CAMKK1: variants seen among roughly 807,000 people sequenced by gnomAD.
The protein encoded by CAMKK1 is calcium/calmodulin dependent protein kinase kinase 1.
A neutral mutation model predicts 63.5 loss-of-function variants in CAMKK1; 20 were observed. The observed-to-expected ratio is 0.32, with a 90% confidence interval of 0.22 to 0.46. The LOEUF (loss-of-function observed/expected upper bound fraction) is 0.46. CAMKK1 is among the 20% of genes least tolerant of loss of function. The pLI is 1.00. For missense variants in CAMKK1, 588 were observed against 658.1 expected (o/e 0.89, Z 1.17); for synonymous variants, 253 against 269.0 (o/e 0.94, Z 0.58).
In CAMKK1 at chr17:3,870,592, C is replaced by G. The variant is rs543277658; in HGVS notation, c.1125-704G>C. Among the ~76,000 whole-genome samples the G allele has an allele frequency of 9.2e-5, 14 of 152,204 alleles. 1 individual carries two copies. In the East Asian group the frequency reaches 2.7e-3, roughly 30 times the overall value. On this transcript the variant is annotated intron_variant, in intron 12 of 15. Coordinates refer to ENST00000348335, the MANE Select transcript of CAMKK1 (RefSeq NM_032294.3). ...GTGTTAGCCAGGATGATCTCGATCT[C>G]CTGATCTCATGATCCGCCTGCCTTG...
At position 3,885,351 on chromosome 17, in the gene CAMKK1, G is replaced by C; in HGVS notation, c.337C>G (p.His113Asp). Reference sequence around the variant, plus strand: ...ACCTCTGCATCTGAGATGGCCACGTGGTGGGACTCGATGGTGGGCCTCCGC... The same window carrying C: ...ACCTCTGCATCTGAGATGGCCACGTCGTGGGACTCGATGGTGGGCCTCCGC... ...AWRRPTIESH[H>D]VAISDAEDCV... Residue 113 changes from histidine to aspartate, a missense_variant, in exon 2 of 16, where the codon CAC becomes GAC. Physicochemically the swap from His to Asp is moderately conservative, Grantham distance 81. Transcript: ENST00000348335. 6.2e-7 allele frequency: 1 copy of C among 1,602,052 alleles called. No individual in the cohort carries two copies. The highest frequency in any genetic ancestry group is 8.5e-7 in the Non-Finnish European group (1 of 1,172,406).
In CAMKK1 at chr17:3,887,450, G is replaced by GGAACAT. The variant is rs1179253317; in HGVS notation, c.-43-1726_-43-1721dup. ...GGAGTGAGAGGGAGTTAATGAGGCT[G>GGAACAT]GAACATCAAGGAGGCCTCCCTGGAG... is the stretch of plus-strand genomic sequence containing the variant. On this transcript the variant is annotated intron_variant, in intron 1 of 15. Transcript: ENST00000348335. The surrounding 1 kb of genome is among the most constrained non-coding windows in gnomAD (Gnocchi z 6.1). Among the ~76,000 whole-genome samples the GGAACAT allele has an allele frequency of 1.5e-4, 23 of 152,280 alleles. No individual in the cohort carries two copies. The highest frequency in any genetic ancestry group is 5.5e-4 in the African/African-American group (23 of 41,562).
chr17:3,882,735 C>G lies in CAMKK1; in HGVS notation c.649-171G>C, dbSNP rs1031583337. ...CAGACTGATGGGGCCTCAGAAGTCA[C>G]CGACCCCCAACCTGGCCCGCCACAC... On this transcript the variant is annotated intron_variant, in intron 6 of 15. Transcript: ENST00000348335. This position sits in a 1 kb window ranked among gnomAD's most constrained non-coding sequence, Gnocchi z 4.3. 2.0e-5 allele frequency among the ~76,000 whole-genome samples: 3 copies of G among 152,134 alleles called. No individual in the cohort carries two copies. Among genetic ancestry groups the G allele is most frequent in the African/African-American group, 7.2e-5 (3 of 41,438 alleles).
chr17:3,863,659 T>G (rs746108730), intron 15 of CAMKK1, among the ~76,000 whole-genome samples: 2 of 152,018 alleles, frequency 1.3e-5, no homozygotes, highest in Non-Finnish European at 2.9e-5. Flanking sequence ...GCAAATGGCT[T>G]GAGGCCAGGA....
rs2055859265 is a variant in CAMKK1 at position 3,890,546 on chromosome 17, A to G, written c.-44+2393T>C. The G allele has an allele frequency of 1.4e-6, 1 of 721,888 alleles. No individual in the cohort carries two copies. Among genetic ancestry groups the G allele is most frequent in the Non-Finnish European group, 2.6e-6 (1 of 385,766 alleles). 44.7% of individuals were successfully genotyped at this position (721,888 alleles called of 1,614,324 possible). A position where few individuals can be genotyped will look rare whatever the true frequency, so the allele number is the denominator to read the frequency against. The stretch of plus-strand genomic sequence containing the variant: ...AGATTCAACTCAGCATCTTCCCCAA[A>G]CCTGCTCGTCCTCCTCTGTCTCCAT... On this transcript the variant is annotated intron_variant, in intron 1 of 15. Transcript: ENST00000348335. The surrounding 1 kb of genome is among the most constrained non-coding windows in gnomAD (Gnocchi z 6.5).
intron 1 of CAMKK1, among the ~76,000 whole-genome samples, chr17:3,886,518 T>C (rs1231236187): frequency 1.3e-5 from 2 of 151,938 alleles, no homozygotes; most frequent in Non-Finnish European, 2.9e-5. Context: ...TGAAATCCCA[T>C]CTACTCGGGA....
intron 9 of CAMKK1, 50 bp from the exon 10 acceptor site, chr17:3,876,472 C>T (rs377322922): frequency 7.3e-6 from 11 of 1,513,422 alleles, no homozygotes; most frequent in Non-Finnish European, 1.0e-5. Context: ...CACCGCTGGC[C>T]AGGACCCCAC....
At position 3,860,781 on chromosome 17, in the gene CAMKK1, T is replaced by C. The variant is rs1430459662; in HGVS notation, c.*1430A>G. The stretch of plus-strand genomic sequence containing the variant: ...ACCAGTGCAGGACATACGAGTGAGC[T>C]GTGTGCAACAGATGAGCACGCGACA... On this transcript the variant is annotated 3_prime_UTR_variant, in exon 16 of 16. Coordinates refer to ENST00000348335, the MANE Select transcript of CAMKK1 (RefSeq NM_032294.3). The C allele has an allele frequency of 6.6e-6, 1 of 152,238 alleles. No individual in the cohort carries two copies. The highest frequency in any genetic ancestry group is 2.4e-5 in the African/African-American group (1 of 41,456). The allele number at this position is 152,238 out of a possible 1,614,324, so 9.4% of individuals were successfully genotyped here.
Position 3,884,252 on chromosome 17 carries a change from G to A in CAMKK1, c.408+128C>T, listed in dbSNP as rs1005918440. 1.8e-5 allele frequency: 19 copies of A among 1,031,664 alleles called. No individual in the cohort carries two copies. The highest frequency in any genetic ancestry group is 9.5e-5 in the East Asian group (4 of 41,898). The allele number at this position is 1,031,664 out of a possible 1,614,324, so 63.9% of individuals were successfully genotyped here. On this transcript the variant is annotated intron_variant, in intron 3 of 15. Coordinates refer to ENST00000348335, the MANE Select transcript of CAMKK1 (RefSeq NM_032294.3). This position sits in a 1 kb window ranked among gnomAD's most constrained non-coding sequence, Gnocchi z 4.5. ...TACCTGGGTACTTCCCACAGGGCAC[G>A]AAACTGTCCTCACCTCCAGGCTAGG...
rs142279119 is a variant in CAMKK1, at chr17:3,862,584, C to T, written c.1446-301G>A. On this transcript the variant is annotated intron_variant, in intron 15 of 15. Transcript: ENST00000348335. This position sits in a 1 kb window ranked among gnomAD's most constrained non-coding sequence, Gnocchi z 4.1. ...CAGTCTGACCCAGCTGACTTCCCTA[C>T]ATCCTCCAACTATCAGCCTAATCAA... Among the ~76,000 whole-genome samples the T allele has an allele frequency of 2.0e-3, 306 of 152,338 alleles. 1 individual carries two copies. The highest frequency in any genetic ancestry group is 7.0e-3 in the African/African-American group (293 of 41,580).
At chr17:3,865,715 C>G in intron 15 of CAMKK1, 193 bp downstream of exon 15, 1 of 1,421,758 alleles carries the variant, frequency 7.0e-7, no homozygotes, top group East Asian at 2.5e-5. Context: ...GAAGCAAGAG[C>G]TGGGCCCAAA....
At position 3,887,061 on chromosome 17, in the gene CAMKK1, C is replaced by A. The variant is rs2055685308; in HGVS notation, c.-43-1331G>T. Reference sequence around the variant, plus strand: ...CCTGCTCTACCGCTCGTTCCCCATCCCCTTGCTTTGACAGATGTCAGCGAG... The same window carrying A: ...CCTGCTCTACCGCTCGTTCCCCATCACCTTGCTTTGACAGATGTCAGCGAG... On this transcript the variant is annotated intron_variant, in intron 1 of 15. Transcript: ENST00000348335. This position sits in a 1 kb window ranked among gnomAD's most constrained non-coding sequence, Gnocchi z 6.1. Among the ~76,000 whole-genome samples, 2 of 152,172 alleles carry A rather than the reference C, an allele frequency of 1.3e-5. No homozygotes were observed. The highest frequency in any genetic ancestry group is 2.9e-5 in the Non-Finnish European group (2 of 68,028).
At chr17:3,865,211 G>T (rs2054471023) in intron 15 of CAMKK1, 1 of 985,662 alleles carries the variant, frequency 1.0e-6, no homozygotes, top group Non-Finnish European at 1.2e-6. Flanking sequence ...TGCTGAGGAC[G>T]AGGCGCACAG....
intron 10 of CAMKK1, among the ~76,000 whole-genome samples, chr17:3,875,783 A>G (rs2055122145): frequency 6.6e-6 from 1 of 151,564 alleles, no homozygotes. Flanking sequence ...GGCCCTTTAT[A>G]CCCTCTGCCC....
Position 3,884,196 on chromosome 17 carries a change from A to T in CAMKK1, c.408+184T>A, listed in dbSNP as rs1055343454. Among the ~76,000 whole-genome samples, 3 of 152,116 alleles carry T rather than the reference A, an allele frequency of 2.0e-5. No individual in the cohort carries two copies. Among genetic ancestry groups the T allele is most frequent in the East Asian group, 1.9e-4 (1 of 5,204 alleles). On this transcript the variant is annotated intron_variant, in intron 3 of 15. Coordinates refer to ENST00000348335, the MANE Select transcript of CAMKK1 (RefSeq NM_032294.3). This position sits in a 1 kb window ranked among gnomAD's most constrained non-coding sequence, Gnocchi z 4.5. Reference sequence around the variant, plus strand: ...CTGTCAAGAACTCAGAGAGTCGGGAATCAGGAGCCATCTTCCACCCTCCCC... The same window carrying T: ...CTGTCAAGAACTCAGAGAGTCGGGATTCAGGAGCCATCTTCCACCCTCCCC...
At chr17:3,869,203 C>T (rs1047660542) in intron 14 of CAMKK1, among the ~76,000 whole-genome samples, 3 of 151,996 alleles carry the variant, frequency 2.0e-5, no homozygotes, top group South Asian at 2.1e-4. Flanking sequence ...GTGATCTGCC[C>T]GCCTTGGCCT....
chr17:3,881,809 T>C, intron 7 of CAMKK1, 161 bp from the exon 8 acceptor site: 1 of 663,648 alleles, frequency 1.5e-6, no homozygotes, highest in Non-Finnish European at 2.7e-6. Context: ...AATAAATGCA[T>C]GAGAGTGGGG....
At position 3,889,180 on chromosome 17, in the gene CAMKK1, G is replaced by A. The variant is rs1220888047; in HGVS notation, c.-43-3450C>T. The stretch of plus-strand genomic sequence containing the variant: ...CCTGCTGGGCTGGATTCTGTGCCCC[G>A]GGCGGAAACCCAGGCCCATCTGGAG... On this transcript the variant is annotated intron_variant, in intron 1 of 15. Transcript: ENST00000348335. The surrounding 1 kb of genome is among the most constrained non-coding windows in gnomAD (Gnocchi z 5.2). 3.3e-5 allele frequency among the ~76,000 whole-genome samples: 5 copies of A among 152,058 alleles called. No individual in the cohort carries two copies. Among genetic ancestry groups the A allele is most frequent in the Admixed American group, 6.5e-5 (1 of 15,280 alleles).
At position 3,887,204 on chromosome 17, in the gene CAMKK1, G is replaced by A. The variant is rs62071691; in HGVS notation, c.-43-1474C>T. On this transcript the variant is annotated intron_variant, in intron 1 of 15. Coordinates refer to ENST00000348335, the MANE Select transcript of CAMKK1 (RefSeq NM_032294.3). This position sits in a 1 kb window ranked among gnomAD's most constrained non-coding sequence, Gnocchi z 6.1. ...TCCCGACTCTGAGCCCCAGTCTCCC[G>A]ACTTGTCCTGTGGATTCCCTGCCTT... is the stretch of plus-strand genomic sequence containing the variant. Among the ~76,000 whole-genome samples the A allele has an allele frequency of 0.13, 20,465 of 152,074 alleles. 1,622 individuals are homozygous for A. Among genetic ancestry groups the A allele is most frequent in the Middle Eastern group, 0.18 (54 of 294 alleles).
Sources: gnomAD v4.1 joint callset for allele counts (sites outside exome capture counted in the v4.1 genomes callset) on GRCh38, gnomAD v4.1.1 for gene constraint, Gnocchi (gnomAD v3.1) non-coding constraint, MANE v1.5 for transcripts, NCBI Gene and HGNC (gene_info 2026-07-23, HGNC 2026-07-21) for gene names.